Variants in IL17RD observed in about 807,000 individuals in gnomAD.
IL17RD encodes the protein interleukin 17 receptor D, also known as interleukin-17 receptor D.
A neutral mutation model predicts 80.5 loss-of-function variants in IL17RD; 52 were observed. The observed-to-expected ratio is 0.65, with a 90% CI of 0.52 to 0.81. IL17RD has a LOEUF of 0.81. IL17RD is among the 40% of genes least tolerant of loss of function. IL17RD has a pLI of 0.00. For synonymous variants in IL17RD, 416 were observed against 391.8 expected, an observed-to-expected ratio of 1.06 and a Z score of -0.73; for missense variants, 1,024 against 955.1, an observed-to-expected ratio of 1.07 and a Z score of -0.95.
chr3:57,141,048 A>T (rs1707818854), intron 1 of IL17RD, among the ~76,000 whole-genome samples: 1 of 152,032 alleles, frequency 6.6e-6, no homozygotes, highest in Admixed American at 6.5e-5. Flanking sequence ...GGCGTGTACC[A>T]TCATGCCTGG....
chr3:57,169,520 G>A, upstream of IL17RD: 1 of 206,364 alleles, frequency 4.8e-6, no homozygotes, highest in South Asian at 6.2e-5. Flanking sequence ...GATTTTGTTA[G>A]GGGTCAAATT....
rs754121744 is a variant in IL17RD, at chr3:57,096,141, A to G, written c.*252T>C. On this transcript the variant is annotated 3_prime_UTR_variant, in exon 13 of 13. Coordinates refer to ENST00000296318, the MANE Select transcript of IL17RD (RefSeq NM_017563.5). The stretch of plus-strand genomic sequence containing the variant: ...CAGGCTCTGATCCAAGGACTAACCA[A>G]ATTTGGCAAGCTGTTGTCAGACCTT... 2.5e-5 allele frequency: 12 copies of G among 475,826 alleles called. 1 individual carries two copies. In the Admixed American group the frequency reaches 2.7e-4, roughly 11 times the overall value. 29.5% of individuals were successfully genotyped at this position (475,826 alleles called of 1,614,324 possible). A position where few individuals can be genotyped will look rare whatever the true frequency, so the allele number is the denominator to read the frequency against.
Position 57,156,670 on chromosome 3 carries a change from G to A in IL17RD, c.126+8491C>T, listed in dbSNP as rs558541645. Among the ~76,000 whole-genome samples, 11 of 152,186 alleles carry A rather than the reference G, an allele frequency of 7.2e-5. No individual in the cohort carries two copies. The South Asian group carries it at 2.1e-3, about 29-fold the overall frequency. On this transcript the variant is annotated intron_variant, in intron 1 of 12. Transcript: ENST00000296318. ...CACTGAGTGTCCCTCTTATCAAACC[G>A]TTCACCTGTTGGAGAAATCTTCCAA...
At chr3:57,105,552 A>AAAAAAAAATATATATAT in intron 7 of IL17RD, among the ~76,000 whole-genome samples, 7 of 63,588 alleles carry the variant, frequency 1.1e-4, no homozygotes, top group Non-Finnish European at 1.7e-4. Context: ...AAAAAAAAAA[A>AAAAAAAAATATATATAT]ATATATATAT....
intron 1 of IL17RD, chr3:57,134,773 AC>A (rs1428701022): frequency 2.2e-6 from 1 of 461,244 alleles, no homozygotes; most frequent in Non-Finnish European, 4.0e-6. Flanking sequence ...ACGTAGATCA[AC>A]CACTAAAATA....
chr3:57,123,715 G>A (rs1707388054), intron 1 of IL17RD, among the ~76,000 whole-genome samples: 1 of 152,222 alleles, frequency 6.6e-6, no homozygotes, highest in African/African-American at 2.4e-5. Context: ...AGAAGCAGGA[G>A]AAAACATCCC....
rs753681357 is a variant in IL17RD, at chr3:57,101,245, A to G, written c.1098T>C (p.Asp366=). The G allele has an allele frequency of 1.2e-5, 20 of 1,613,750 alleles. No individual in the cohort carries two copies. In the Admixed American group the frequency reaches 3.0e-4, roughly 24 times the overall value. The change falls in exon 11 of 13, where the codon GAT becomes GAC. Residue 366 remains aspartate, a synonymous_variant. Coordinates refer to ENST00000296318, the MANE Select transcript of IL17RD (RefSeq NM_017563.5). The part of the protein sequence containing the change: ...PKVFLCYSSK[D]GQNHMNVVQC... ...GGACGACATTCATGTGATTCTGGCC[A>G]TCTTTACTGGAATAGCAGAGAAAGA...
At chr3:57,129,685 T>C (rs981048806) in intron 1 of IL17RD, among the ~76,000 whole-genome samples, 1 of 152,184 alleles carries the variant, frequency 6.6e-6, no homozygotes, top group Non-Finnish European at 1.5e-5. Context: ...TTGGAAATTA[T>C]GGAAGGCCAT....
chr3:57,166,495 C>CTG (rs1579331940), upstream of IL17RD, among the ~76,000 whole-genome samples: 1 of 151,900 alleles, frequency 6.6e-6, no homozygotes, highest in East Asian at 1.9e-4. Flanking sequence ...CAGTAAGACC[C>CTG]TGTCTCTAAA....
chr3:57,160,082 G>C (rs1322496314), intron 1 of IL17RD, among the ~76,000 whole-genome samples: 2 of 152,188 alleles, frequency 1.3e-5, no homozygotes, highest in Non-Finnish European at 2.9e-5. Context: ...TGAGGCAGGA[G>C]AATCGCTTAA....
intron 1 of IL17RD, 103 bp from the exon 2 acceptor site, chr3:57,120,416 G>A: frequency 2.6e-6 from 2 of 771,264 alleles, no homozygotes; most frequent in Non-Finnish European, 4.5e-6. Context: ...GAGACCCAGG[G>A]TCATGCCAGT....
At chr3:57,139,738 C>G (rs1398572826) in intron 1 of IL17RD, among the ~76,000 whole-genome samples, 1 of 152,130 alleles carries the variant, frequency 6.6e-6, no homozygotes, top group Admixed American at 6.5e-5. Context: ...GCCTTGAACT[C>G]CTGACCTCAG....
upstream of IL17RD, among the ~76,000 whole-genome samples, chr3:57,167,404 G>C (rs2060353089): frequency 6.6e-6 from 1 of 152,030 alleles, no homozygotes; most frequent in South Asian, 2.1e-4. Flanking sequence ...TCACATTCTT[G>C]GTACTGTCCC....
intron 1 of IL17RD, among the ~76,000 whole-genome samples, chr3:57,138,025 GACT>G (rs761700044): frequency 3.3e-5 from 5 of 152,208 alleles, no homozygotes; most frequent in Non-Finnish European, 5.9e-5. Flanking sequence ...AATACTGTAT[GACT>G]ACATTTATAT....
chr3:57,130,626 C>G (rs778295387), intron 1 of IL17RD, among the ~76,000 whole-genome samples: 2 of 152,148 alleles, frequency 1.3e-5, no homozygotes, highest in African/African-American at 4.8e-5. Flanking sequence ...CAAGCTCTGA[C>G]GGGCAGATGG....
intron 1 of IL17RD, among the ~76,000 whole-genome samples, chr3:57,130,692 ACACT>A (rs1468195194): frequency 3.3e-5 from 5 of 152,126 alleles, no homozygotes; most frequent in African/African-American, 1.2e-4. Flanking sequence ...CCCAGGGGTG[ACACT>A]CACGGTGTTA....
At chr3:57,145,937 C>T (rs2107530486) in intron 1 of IL17RD, among the ~76,000 whole-genome samples, 1 of 152,236 alleles carries the variant, frequency 6.6e-6, no homozygotes, top group Admixed American at 6.5e-5. Flanking sequence ...TTTTTTTAAA[C>T]TCCAATAAAA....
intron 1 of IL17RD, among the ~76,000 whole-genome samples, chr3:57,132,316 C>T (rs1707627979): frequency 6.6e-6 from 1 of 151,952 alleles, no homozygotes; most frequent in Non-Finnish European, 1.5e-5. Context: ...AAAATTTAGC[C>T]AGGCGTGGTG....
At chr3:57,146,045 G>GTGCGCGCACACA (rs1553627649) in intron 1 of IL17RD, among the ~76,000 whole-genome samples, 2 of 151,138 alleles carry the variant, frequency 1.3e-5, no homozygotes, top group East Asian at 3.9e-4. Flanking sequence ...GCGCGCGCGC[G>GTGCGCGCACACA]CACACACACA....
Sources: allele counts gnomAD v4.1 joint callset (sites outside exome capture counted in the v4.1 genomes callset), GRCh38; gene constraint gnomAD v4.1.1; transcripts MANE v1.5; gene names NCBI Gene and HGNC (gene_info 2026-07-23, HGNC 2026-07-21).